The following EFNA5 variants were observed in gnomAD, a reference collection of about 807,000 sequenced individuals.
EFNA5 encodes ephrin A5, also known as ephrin-A5.
Under a neutral mutation model 22.9 loss-of-function variants are expected in EFNA5, and 5 were observed. The ratio of observed to expected loss-of-function variants is 0.22; its 90% CI spans 0.11 to 0.46. The LOEUF is 0.46. Ranked by LOEUF, EFNA5 falls within the 20% of genes least tolerant of loss-of-function variation. EFNA5 has a pLI of 0.99. For synonymous variants in EFNA5, 113 were observed against 112.2 expected, an observed-to-expected ratio of 1.01 and a Z score of -0.04; for missense variants, 237 against 293.3, an observed-to-expected ratio of 0.81 and a Z score of 1.40.
intron 1 of EFNA5, among the ~76,000 whole-genome samples, chr5:107,532,473 C>A (rs1236129537): frequency 6.6e-6 from 1 of 152,214 alleles, no homozygotes; most frequent in African/African-American, 2.4e-5. Flanking sequence ...TTACAGCAAT[C>A]CCTCTAGGAA....
chr5:107,464,892 G>A (rs766841623), intron 1 of EFNA5, among the ~76,000 whole-genome samples: 1 of 152,136 alleles, frequency 6.6e-6, no homozygotes, highest in Non-Finnish European at 1.5e-5. Flanking sequence ...TCTGCGTCCT[G>A]ACAGAGACTA....
intron 1 of EFNA5, among the ~76,000 whole-genome samples, chr5:107,596,564 G>A (rs1749477459): frequency 6.6e-6 from 1 of 152,138 alleles, no homozygotes; most frequent in South Asian, 2.1e-4. Flanking sequence ...GAATAATGCT[G>A]TAATGAAATG....
In EFNA5 at chr5:107,380,728, T is replaced by C. The variant is rs1256220481; in HGVS notation, c.*527A>G. On this transcript the variant is annotated 3_prime_UTR_variant, in exon 5 of 5. Transcript: ENST00000333274. ...CTATAGGAAATGGTGTAATATCGTA[T>C]CTATTCTTAATACCTCCCCTCCGGA... 2.5e-6 allele frequency: 1 copy of C among 399,226 alleles called. No individual in the cohort carries two copies. The highest frequency in any genetic ancestry group is 4.4e-6 in the Non-Finnish European group (1 of 226,536). 24.7% of individuals were successfully genotyped at this position (399,226 alleles called of 1,614,324 possible). A position where few individuals can be genotyped will look rare whatever the true frequency, so the allele number is the denominator to read the frequency against.
At chr5:107,410,099 G>C (rs889629877) in intron 2 of EFNA5, among the ~76,000 whole-genome samples, 54 of 145,296 alleles carry the variant, frequency 3.7e-4, no homozygotes, top group African/African-American at 1.2e-3. Context: ...CGCGATCTCG[G>C]TTCATGCAAG....
At chr5:107,548,680 C>T (rs1748222812) in intron 1 of EFNA5, among the ~76,000 whole-genome samples, 1 of 152,162 alleles carries the variant, frequency 6.6e-6, no homozygotes, top group South Asian at 2.1e-4. Context: ...GAGGCTGATG[C>T]TGAGTATCTG....
intron 1 of EFNA5, among the ~76,000 whole-genome samples, chr5:107,564,070 T>C (rs1217287799): frequency 6.6e-6 from 1 of 152,054 alleles, no homozygotes; most frequent in African/African-American, 2.4e-5. Context: ...GCTATTTTCC[T>C]CCTCAGCCTG....
chr5:107,451,535 A>G (rs939274861), intron 1 of EFNA5, among the ~76,000 whole-genome samples: 7 of 152,242 alleles, frequency 4.6e-5, no homozygotes, highest in Non-Finnish European at 8.8e-5. Flanking sequence ...CAGAGAATAA[A>G]TAATCTCAGT....
intron 2 of EFNA5, among the ~76,000 whole-genome samples, chr5:107,406,777 T>A (rs1748234210): frequency 6.6e-6 from 1 of 152,220 alleles, no homozygotes; most frequent in Admixed American, 6.5e-5. Context: ...TATTTTTTTC[T>A]CTGTTGTATT....
intron 1 of EFNA5, among the ~76,000 whole-genome samples, chr5:107,649,235 T>C (rs1429632139): frequency 2.6e-5 from 4 of 152,102 alleles, no homozygotes; most frequent in Non-Finnish European, 5.9e-5. Flanking sequence ...AAACATCTAG[T>C]TGGTAGAAAA....
intron 1 of EFNA5, among the ~76,000 whole-genome samples, chr5:107,662,499 C>G (rs1443262093): frequency 6.6e-6 from 1 of 152,062 alleles, no homozygotes; most frequent in Non-Finnish European, 1.5e-5. Context: ...TTTATTAGGT[C>G]ACTTGGTTTT....
At chr5:107,397,942 G>T (rs1032536995) in intron 2 of EFNA5, among the ~76,000 whole-genome samples, 3 of 152,206 alleles carry the variant, frequency 2.0e-5, no homozygotes, top group African/African-American at 7.2e-5. Flanking sequence ...CTGCAGAAAA[G>T]TTAATGGCTG....
At chr5:107,391,102 T>G (rs1006449301) in intron 2 of EFNA5, among the ~76,000 whole-genome samples, 8 of 152,226 alleles carry the variant, frequency 5.3e-5, no homozygotes, top group African/African-American at 1.7e-4. Context: ...GAGGTTGCAG[T>G]GAGCCGAGAC....
At chr5:107,585,286 G>A (rs1368913521) in intron 1 of EFNA5, among the ~76,000 whole-genome samples, 3 of 152,098 alleles carry the variant, frequency 2.0e-5, no homozygotes, top group Non-Finnish European at 4.4e-5. Context: ...CAAGCCCAAG[G>A]ACCCTCTCAT....
intron 1 of EFNA5, among the ~76,000 whole-genome samples, chr5:107,604,403 T>C (rs1026289712): frequency 6.6e-6 from 1 of 152,092 alleles, no homozygotes; most frequent in Non-Finnish European, 1.5e-5. Context: ...AGCACATTGG[T>C]TGTGTGGCTT....
intron 1 of EFNA5, among the ~76,000 whole-genome samples, chr5:107,576,302 A>G (rs1190612122): frequency 6.6e-6 from 1 of 152,196 alleles, no homozygotes; most frequent in Non-Finnish European, 1.5e-5. Flanking sequence ...ATCACATAAC[A>G]AGTTTAGGAA....
intron 1 of EFNA5, among the ~76,000 whole-genome samples, chr5:107,457,619 T>C (rs988431796): frequency 6.6e-6 from 1 of 152,170 alleles, no homozygotes; most frequent in African/African-American, 2.4e-5. Flanking sequence ...GTTGAGTCCA[T>C]GGATGTGGCA....
chr5:107,590,416 G>A (rs1485809487), intron 1 of EFNA5, among the ~76,000 whole-genome samples: 1 of 150,012 alleles, frequency 6.7e-6, no homozygotes, highest in East Asian at 2.0e-4. Context: ...TTTTTAGACA[G>A]TCTCACTCTG....
Position 107,557,938 on chromosome 5 carries a change from A to T in EFNA5, c.125+112551T>A, listed in dbSNP as rs377343762. ...CAATTTCTCAAAAATATTATGCAAG[A>T]TAAAACAAGCACAAAATTGCAATCA... On this transcript the variant is annotated intron_variant, in intron 1 of 4. Coordinates refer to ENST00000333274, the MANE Select transcript of EFNA5 (RefSeq NM_001962.3). Among the ~76,000 whole-genome samples, 14 of 152,344 alleles carry T rather than the reference A, an allele frequency of 9.2e-5. No homozygotes were observed. The East Asian group carries it at 2.7e-3, about 29-fold the overall frequency.
chr5:107,640,384 A>G (rs967936668), intron 1 of EFNA5, among the ~76,000 whole-genome samples: 1 of 152,250 alleles, frequency 6.6e-6, no homozygotes, highest in Non-Finnish European at 1.5e-5. Context: ...GCATATGAGA[A>G]AAGCTCAAAT....
Sources: gnomAD v4.1 joint callset for allele counts (sites outside exome capture counted in the v4.1 genomes callset) on GRCh38, gnomAD v4.1.1 for gene constraint, MANE v1.5 for transcripts, NCBI Gene and HGNC (gene_info 2026-07-23, HGNC 2026-07-21) for gene names.